Variants in ARMC9 observed in about 807,000 individuals in gnomAD.
The protein encoded by ARMC9 is armadillo repeat containing 9.
A neutral mutation model predicts 107.0 loss-of-function variants in ARMC9; 94 were observed. The observed-to-expected ratio is 0.88, with a 90% CI of 0.74 to 1.04. ARMC9 has a LOEUF of 1.04. Among genes scored for constraint, ARMC9 ranks in the 50% least tolerant of loss-of-function variants. The pLI, the probability that ARMC9 is intolerant of heterozygous loss-of-function variation, is 0.00. For synonymous variants in ARMC9, 380 were observed against 396.9 expected (o/e 0.96, Z 0.51); for missense variants, 942 against 1,030.1 (o/e 0.91, Z 1.17).
chr2:231,351,882 T>C (rs2045097597), intron 21 of ARMC9, among the ~76,000 whole-genome samples: 1 of 152,140 alleles, frequency 6.6e-6, no homozygotes, highest in Non-Finnish European at 1.5e-5. Flanking sequence ...TGGTATCCTG[T>C]TGCCAGGAGT....
chr2:231,276,202 A>C (rs1260216972), intron 14 of ARMC9, among the ~76,000 whole-genome samples: 1 of 152,184 alleles, frequency 6.6e-6, no homozygotes, highest in Non-Finnish European at 1.5e-5. Flanking sequence ...TGGGTTTAAC[A>C]AAAATATTCC....
At chr2:231,291,935 G>A (rs1047956944) in intron 18 of ARMC9, among the ~76,000 whole-genome samples, 1 of 151,740 alleles carries the variant, frequency 6.6e-6, no homozygotes, top group Admixed American at 6.6e-5. Flanking sequence ...TTGAGAGGCC[G>A]AGGCAGGCAG....
intron 12 of ARMC9, among the ~76,000 whole-genome samples, chr2:231,263,476 G>A (rs1309572552): frequency 1.3e-5 from 2 of 152,192 alleles, no homozygotes; most frequent in African/African-American, 2.4e-5. Context: ...TTTATCAGGA[G>A]CCTACTCGCA....
chr2:231,214,820 C>T lies in ARMC9; in HGVS notation c.178-11C>T. The T allele has an allele frequency of 2.5e-6, 4 of 1,613,062 alleles. No individual in the cohort carries two copies. Among genetic ancestry groups the T allele is most frequent in the Non-Finnish European group, 3.4e-6 (4 of 1,179,278 alleles). ...TACAACGAGGTATGTAGTCTGATGT[C>T]TTCTCCACAGAAGGATCTTGTCGCT... On this transcript the variant is annotated splice_polypyrimidine_tract_variant and intron_variant, in intron 3 of 24. Coordinates refer to ENST00000611582, the MANE Select transcript of ARMC9 (RefSeq NM_001352754.2).
intron 17 of ARMC9, among the ~76,000 whole-genome samples, chr2:231,287,987 C>T (rs1236146375): frequency 3.3e-5 from 5 of 152,304 alleles, no homozygotes; most frequent in South Asian, 2.1e-4. Context: ...AGGCTGGCTT[C>T]GAATCGTGTT....
intron 19 of ARMC9, among the ~76,000 whole-genome samples, chr2:231,329,539 CCT>C (rs2043578277): frequency 6.6e-6 from 1 of 151,726 alleles, no homozygotes; most frequent in Non-Finnish European, 1.5e-5. Flanking sequence ...GAACTACTGA[CCT>C]CAGGTGATCC....
At chr2:231,244,208 TACTC>T (rs2036554025) in intron 9 of ARMC9, among the ~76,000 whole-genome samples, 1 of 152,184 alleles carries the variant, frequency 6.6e-6, no homozygotes, top group African/African-American at 2.4e-5. Flanking sequence ...TCTACCAACT[TACTC>T]ACTGTTAAAA....
In ARMC9 at chr2:231,259,021, C is replaced by T; in HGVS notation, c.945C>T (p.Ser315=). The change falls in exon 11 of 25, where the codon TCC becomes TCT. Residue 315 remains serine (S), a synonymous_variant. Transcript: ENST00000611582. The part of the protein sequence containing the change: ...VKLKDVPLLP[S]LDYEKLKKDL... ...TGAAGGATGTCCCATTACTGCCCTC[C>T]TTGGATTATGAGAAACTGAAGAAGG... 6.2e-7 allele frequency: 1 copy of T among 1,614,062 alleles called. No individual in the cohort carries two copies. The highest frequency in any genetic ancestry group is 8.5e-7 in the Non-Finnish European group (1 of 1,179,934).
rs2046160526 is a variant in ARMC9, at chr2:231,375,244, G to A, written c.*3709G>A. Among the ~76,000 whole-genome samples, 1 of 152,198 alleles carries A rather than the reference G, an allele frequency of 6.6e-6. No homozygotes were observed. Among genetic ancestry groups the A allele is most frequent in the African/African-American group, 2.4e-5 (1 of 41,454 alleles). On this transcript the variant is annotated 3_prime_UTR_variant, in exon 25 of 25. Transcript: ENST00000611582. This position sits in a 1 kb window ranked among gnomAD's most constrained non-coding sequence, Gnocchi z 4.3. ...TGTCTGGTAGTTGGCTGTTGGCTGA[G>A]CCCTTGGTTCTCCTCTGGCTTAGGC...
In ARMC9 at chr2:231,295,416, G is replaced by GT. The variant is rs896463886; in HGVS notation, c.1718-782_1718-781insT. 3.1e-4 allele frequency: 48 copies of GT among 152,422 alleles called. 1 individual carries two copies. Among genetic ancestry groups the GT allele is most frequent in the African/African-American group, 1.1e-3 (44 of 41,462 alleles). The allele number at this position is 152,422 out of a possible 1,614,324, so 9.4% of individuals were successfully genotyped here. The stretch of plus-strand genomic sequence containing the variant: ...AGGAAGAGATGGCTGCTGAGCAAGG[G>GT]GATCAGGGAAGACTTCGTGGAGGAG... On this transcript the variant is annotated intron_variant, in intron 18 of 24. Coordinates refer to ENST00000611582, the MANE Select transcript of ARMC9 (RefSeq NM_001352754.2).
intron 20 of ARMC9, among the ~76,000 whole-genome samples, chr2:231,332,458 G>C (rs1008585036): frequency 2.6e-5 from 4 of 152,170 alleles, no homozygotes; most frequent in African/African-American, 9.7e-5. Context: ...AAACAGAAGG[G>C]AGAGGTGTTT....
intron 19 of ARMC9, among the ~76,000 whole-genome samples, chr2:231,306,502 A>C (rs1287294532): frequency 6.6e-6 from 1 of 152,208 alleles, no homozygotes; most frequent in Non-Finnish European, 1.5e-5. Context: ...TTAGAATTTG[A>C]GACAAGAAAT....
rs1454937609 is a variant in ARMC9, at chr2:231,315,780, T to C, written c.1774-16013T>C. On this transcript the variant is annotated intron_variant, in intron 19 of 24. Coordinates refer to ENST00000611582, the MANE Select transcript of ARMC9 (RefSeq NM_001352754.2). ...GGTTGGGTTTAATTCTGCCATTTGC[T>C]ATCAGTGTTCTATTTATCTCTTTGT... 2.6e-5 allele frequency among the ~76,000 whole-genome samples: 4 copies of C among 152,238 alleles called. No individual in the cohort carries two copies. The East Asian group carries it at 7.7e-4, about 29-fold the overall frequency.
rs1162637559 is a variant in ARMC9 at position 231,362,014 on chromosome 2, GA to G, written c.2261+1132del. ...GTGGGAAGGATGGGAAGGACTTCAA[GA>G]CCTGGGCTAGGGAAGGGTGGGGGCA... On this transcript the variant is annotated intron_variant, in intron 23 of 24. Transcript: ENST00000611582. This position sits in a 1 kb window ranked among gnomAD's most constrained non-coding sequence, Gnocchi z 4.7. Among the ~76,000 whole-genome samples, 1 of 152,132 alleles carries G rather than the reference GA, an allele frequency of 6.6e-6. No homozygotes were observed.
intron 9 of ARMC9, chr2:231,256,292 C>T (rs1289667923): frequency 5.1e-6 from 8 of 1,554,136 alleles, no homozygotes; most frequent in East Asian, 4.8e-5. Context: ...GCGAGAAGCC[C>T]GGAGGTTGCG....
intron 21 of ARMC9, among the ~76,000 whole-genome samples, chr2:231,351,036 G>A (rs2045053472): frequency 1.7e-5 from 2 of 120,346 alleles, no homozygotes; most frequent in African/African-American, 3.4e-5. Flanking sequence ...TCGGCTCACT[G>A]CAAGCTCCAT....
chr2:231,199,735 G>T (rs983695347), intron 1 of ARMC9, among the ~76,000 whole-genome samples: 15 of 151,946 alleles, frequency 9.9e-5, no homozygotes, highest in African/African-American at 3.4e-4. Context: ...TTTCCCTGTC[G>T]CTCAGGCTGG....
rs150058513 is a variant in ARMC9, at chr2:231,352,661, GGATAGATAGATAGATAGATA to G, written c.1995-3109_1995-3090del. On this transcript the variant is annotated intron_variant, in intron 21 of 24. Coordinates refer to ENST00000611582, the MANE Select transcript of ARMC9 (RefSeq NM_001352754.2). ...ACTGAGAAATAATCAGATGTTCACAGGATAGATAGATAGATAGATAGATAGATAGATAGATAGATAGATAG... is the reference window on the plus strand; with the variant it reads ...ACTGAGAAATAATCAGATGTTCACAGGATAGATAGATAGATAGATAGATAG... Among the ~76,000 whole-genome samples the G allele has an allele frequency of 2.6e-3, 383 of 145,290 alleles. 1 individual carries two copies. Among genetic ancestry groups the G allele is most frequent in the African/African-American group, 9.0e-3 (341 of 38,094 alleles).
intron 19 of ARMC9, among the ~76,000 whole-genome samples, chr2:231,324,368 C>T (rs1170284745): frequency 1.3e-5 from 2 of 150,936 alleles, no homozygotes; most frequent in African/African-American, 2.4e-5. Flanking sequence ...CCTCGTAATC[C>T]GCCCACCTCG....
Sources: gnomAD v4.1 joint callset for allele counts (sites outside exome capture counted in the v4.1 genomes callset) on GRCh38, gnomAD v4.1.1 for gene constraint, Gnocchi (gnomAD v3.1) non-coding constraint, MANE v1.5 for transcripts, NCBI Gene and HGNC (gene_info 2026-07-23, HGNC 2026-07-21) for gene names.